Variants in SEMA3G observed in about 807,000 individuals in gnomAD.
The protein encoded by SEMA3G is semaphorin 3G, also known as semaphorin-3G.
In SEMA3G, 70 loss-of-function variants were observed where a neutral mutation model predicts 86.2. The observed-to-expected ratio is 0.81, with a 90% CI of 0.67 to 0.99. The LOEUF is 0.99. Among genes scored for constraint, SEMA3G ranks in the 50% least tolerant of loss-of-function variants. The pLI, the probability that SEMA3G is intolerant of heterozygous loss-of-function variation, is 0.00. For synonymous variants in SEMA3G, 416 were observed against 441.4 expected (o/e 0.94, Z 0.72); for missense variants, 1,002 against 1,072.4 (o/e 0.93, Z 0.92).
chr3:52,444,144 T>C (rs1706213488), intron 1 of SEMA3G, among the ~76,000 whole-genome samples: 1 of 152,168 alleles, frequency 6.6e-6, no homozygotes, highest in East Asian at 1.9e-4. Flanking sequence ...GCATGCTGCC[T>C]GCTCTCCCGT....
Position 52,438,961 on chromosome 3 carries a change from C to G in SEMA3G, c.1468G>C (p.Val490Leu). 6.2e-7 allele frequency: 1 copy of G among 1,613,306 alleles called. No homozygotes were observed. The highest frequency in any genetic ancestry group is 8.5e-7 in the Non-Finnish European group (1 of 1,179,596). Residue 490 changes from valine to leucine, a missense_variant and splice_region_variant, in exon 13 of 16, where the codon GTG (valine) becomes CTG (leucine). Val to Leu is a conservative substitution (Grantham distance 32). Coordinates refer to ENST00000231721, the MANE Select transcript of SEMA3G (RefSeq NM_020163.3). ...TCCATTTCGGTGATAGGTGTTGGCA[C>G]CTGGGGAAGGAGAAGGGTCTCAGTG... ...VVLEELQVFK[V>L]PTPITEMEIS... is the part of the protein sequence containing the mutation.
intron 13 of SEMA3G, 35 bp from the exon 14 acceptor site, chr3:52,438,234 C>A (rs145770691): frequency 6.4e-7 from 1 of 1,565,288 alleles, no homozygotes; most frequent in African/African-American, 1.4e-5. Context: ...TGAGGTGAGC[C>A]CAGGCTTCGC....
In SEMA3G at chr3:52,442,554, C is replaced by T. The variant is rs1460240024; in HGVS notation, c.339+5G>A. The T allele has an allele frequency of 6.2e-7, 1 of 1,614,078 alleles. No individual in the cohort carries two copies. On this transcript the variant is annotated splice_donor_5th_base_variant and intron_variant, in intron 3 of 15. Coordinates refer to ENST00000231721, the MANE Select transcript of SEMA3G (RefSeq NM_020163.3). This position sits in a 1 kb window ranked among gnomAD's most constrained non-coding sequence, Gnocchi z 6.1. ...CGGGGGACCATCCCTCCCGACAGCACTCACCAAAGGATCTCTTCCCTTTCG... is the reference window on the plus strand; with the variant it reads ...CGGGGGACCATCCCTCCCGACAGCATTCACCAAAGGATCTCTTCCCTTTCG...
In SEMA3G at chr3:52,441,815, C is replaced by T. The variant is rs1243012106; in HGVS notation, c.550+4G>A. 1.9e-6 allele frequency: 3 copies of T among 1,607,422 alleles called. No homozygotes were observed. Among genetic ancestry groups the T allele is most frequent in the Non-Finnish European group, 2.5e-6 (3 of 1,176,812 alleles). ...GTTCTCACCCTGGCCTGGGCATCAC[C>T]CACCTATGAAGGTGCTGGCAAAGGG... On this transcript the variant is annotated splice_donor_region_variant and intron_variant, in intron 5 of 15. Coordinates refer to ENST00000231721, the MANE Select transcript of SEMA3G (RefSeq NM_020163.3).
chr3:52,435,934 A>T lies in SEMA3G; in HGVS notation c.2018T>A (p.Val673Glu). 1.9e-6 allele frequency: 3 copies of T among 1,613,902 alleles called. No homozygotes were observed. The highest frequency in any genetic ancestry group is 2.5e-6 in the Non-Finnish European group (3 of 1,180,016). Residue 673 changes from valine to glutamate, a missense_variant, in exon 16 of 16, where the codon GTG (valine) becomes GAG (glutamate). Coordinates refer to ENST00000231721, the MANE Select transcript of SEMA3G (RefSeq NM_020163.3). ...GTTGTCCAGCTGTGAGGCCACAATC[A>T]CCACCAGAGCCAGGCGGACCACAGT... The part of the protein sequence containing the change: ...SQTVVRLALV[V>E]IVASQLDNLF...
At chr3:52,444,446 G>C (rs1422356691) in intron 1 of SEMA3G, among the ~76,000 whole-genome samples, 1 of 151,708 alleles carries the variant, frequency 6.6e-6, no homozygotes, top group Non-Finnish European at 1.5e-5. Context: ...ACCCAAACAG[G>C]GCACACGCAC....
At position 52,437,615 on chromosome 3, in the gene SEMA3G, T is replaced by C. The variant is rs1413033715; in HGVS notation, c.1790A>G (p.Asn597Ser). The change falls in exon 15 of 16, where the codon AAT becomes AGT. Residue 597 changes from asparagine to serine, a missense_variant. Asn to Ser is a conservative substitution (Grantham distance 46). Coordinates refer to ENST00000231721, the MANE Select transcript of SEMA3G (RefSeq NM_020163.3). ...AATMVYGTEH[N>S]STFLECLPKS... is the part of the protein sequence containing the mutation. ...GGGCAGGCACTCCAGGAAGGTGCTA[T>C]TGTGCTCCGTGCCGTAGACCATGGT... is the stretch of plus-strand genomic sequence containing the variant. 5 of 1,612,982 alleles carry C rather than the reference T, an allele frequency of 3.1e-6. No homozygotes were observed. Among genetic ancestry groups the C allele is most frequent in the South Asian group, 1.1e-5 (1 of 91,088 alleles).
In SEMA3G at chr3:52,433,225, T is replaced by C. The variant is rs1705985182; in HGVS notation, c.*2378A>G. On this transcript the variant is annotated 3_prime_UTR_variant, in exon 16 of 16. Transcript: ENST00000231721. ...TGGGAAATCATGAAACAGAAGTCAC[T>C]CAGGGTGACCTTCTTTCTCATGGAA... 6.6e-6 allele frequency: 1 copy of C among 152,226 alleles called. No homozygotes were observed. The highest frequency in any genetic ancestry group is 1.9e-4 in the East Asian group (1 of 5,192). 9.4% of individuals were successfully genotyped at this position (152,226 alleles called of 1,614,324 possible). A position where few individuals can be genotyped will look rare whatever the true frequency, so the allele number is the denominator to read the frequency against.
At position 52,433,099 on chromosome 3, in the gene SEMA3G, GC is replaced by G. The variant is rs1342228113; in HGVS notation, c.*2503del. Reference sequence around the variant, plus strand: ...ATGAGCAATCTCGGCTTTGTACAAAGCCCTCTAACTCCTTCCTTCCCCTGAT... The same window carrying G: ...ATGAGCAATCTCGGCTTTGTACAAAGCCTCTAACTCCTTCCTTCCCCTGAT... On this transcript the variant is annotated 3_prime_UTR_variant, in exon 16 of 16. Coordinates refer to ENST00000231721, the MANE Select transcript of SEMA3G (RefSeq NM_020163.3). 3 of 151,934 alleles carry G rather than the reference GC, an allele frequency of 2.0e-5. No individual in the cohort carries two copies. The highest frequency in any genetic ancestry group is 7.3e-5 in the African/African-American group (3 of 41,352). 9.4% of individuals were successfully genotyped at this position (151,934 alleles called of 1,614,324 possible).
chr3:52,444,076 G>T (rs568761166), intron 1 of SEMA3G, among the ~76,000 whole-genome samples: 1 of 152,166 alleles, frequency 6.6e-6, no homozygotes, highest in East Asian at 1.9e-4. Flanking sequence ...AGCCCACTCT[G>T]GGAAGTGGGC....
Position 52,443,016 on chromosome 3 carries a change from A to G in SEMA3G, c.116-109T>C, listed in dbSNP as rs1345344001. 6 of 1,543,204 alleles carry G rather than the reference A, an allele frequency of 3.9e-6. No individual in the cohort carries two copies. The African/African-American group carries it at 6.8e-5, about 18-fold the overall frequency. On this transcript the variant is annotated intron_variant, in intron 1 of 15. Transcript: ENST00000231721. The stretch of plus-strand genomic sequence containing the variant: ...GAGCATCCACCCCTGACACACTCAC[A>G]TCTGGAAAATGTTTCCATCCACATG...
rs915733168 is a variant in SEMA3G at position 52,442,487 on chromosome 3, G to A, written c.339+72C>T. Reference sequence around the variant, plus strand: ...TGCCCCTGGTAGAGGTACCTGGGGCGTGGTCACGGATTGTCCTGGGGGTCA... The same window carrying A: ...TGCCCCTGGTAGAGGTACCTGGGGCATGGTCACGGATTGTCCTGGGGGTCA... On this transcript the variant is annotated intron_variant, in intron 3 of 15. Coordinates refer to ENST00000231721, the MANE Select transcript of SEMA3G (RefSeq NM_020163.3). This position sits in a 1 kb window ranked among gnomAD's most constrained non-coding sequence, Gnocchi z 6.1. The A allele has an allele frequency of 1.9e-4, 295 of 1,552,762 alleles. 1 individual carries two copies. The highest frequency in any genetic ancestry group is 2.6e-4 in the Non-Finnish European group (287 of 1,125,442).
rs2153229506 is a variant in SEMA3G at position 52,435,078 on chromosome 3, T to G, written c.*525A>C. ...CGCGACAGGAGGGGAGGTGCATTGT[T>G]GCTCCACCTTCCCAACACCTCTGTG... is the stretch of plus-strand genomic sequence containing the variant. On this transcript the variant is annotated 3_prime_UTR_variant, in exon 16 of 16. Coordinates refer to ENST00000231721, the MANE Select transcript of SEMA3G (RefSeq NM_020163.3). The G allele has an allele frequency of 6.4e-6, 1 of 155,404 alleles. No individual in the cohort carries two copies. Among genetic ancestry groups the G allele is most frequent in the African/African-American group, 2.4e-5 (1 of 41,524 alleles). The allele number at this position is 155,404 out of a possible 1,614,324, so 9.6% of individuals were successfully genotyped here.
Position 52,444,969 on chromosome 3 carries a change from C to T in SEMA3G, c.59G>A (p.Gly20Asp). The change falls in exon 1 of 16, where the codon GGT becomes GAT. Residue 20 changes from glycine to aspartate, a missense_variant. Physicochemically the swap from Gly to Asp is moderately conservative, Grantham distance 94. Transcript: ENST00000231721. ...WLLGGLLLHG[G>D]SSGPSPGPSV... ...GGGGCCGGGGCTGGGGCCAGAGCTA[C>T]CCCCATGGAGCAGGAGGCCCCCTAG... is the stretch of plus-strand genomic sequence containing the variant. 2 of 1,299,298 alleles carry T rather than the reference C, an allele frequency of 1.5e-6. No homozygotes were observed. The highest frequency in any genetic ancestry group is 2.0e-6 in the Non-Finnish European group (2 of 1,018,548). 80.5% of individuals were successfully genotyped at this position (1,299,298 alleles called of 1,614,324 possible). A position where few individuals can be genotyped will look rare whatever the true frequency, so the allele number is the denominator to read the frequency against.
At chr3:52,441,736 C>T (rs1185610601) in intron 5 of SEMA3G, 46 bp from the exon 6 acceptor site, 1 of 1,596,644 alleles carries the variant, frequency 6.3e-7, no homozygotes, top group Non-Finnish European at 8.6e-7. Context: ...AGGCCCAGGC[C>T]CAGCAGCCGG....
chr3:52,440,877 A>G (rs1276630048), intron 8 of SEMA3G, 54 bp from the exon 9 acceptor site: 3 of 1,599,502 alleles, frequency 1.9e-6, no homozygotes, highest in Non-Finnish European at 1.7e-6. Context: ...GCCCTGACTC[A>G]CCAGCTCTCA....
chr3:52,443,253 GC>G (rs1706195507), intron 1 of SEMA3G, among the ~76,000 whole-genome samples: 1 of 152,186 alleles, frequency 6.6e-6, no homozygotes, highest in Non-Finnish European at 1.5e-5. Context: ...AGAGCAAAGT[GC>G]TGGAAGATCC....
chr3:52,434,466 G>A lies in SEMA3G; in HGVS notation c.*1137C>T, dbSNP rs1706006067. The stretch of plus-strand genomic sequence containing the variant: ...AGAGATTCCAGAGATGGAAACACTG[G>A]GTCTTCCAGGTGGCTTCTGAGCTAA... On this transcript the variant is annotated 3_prime_UTR_variant, in exon 16 of 16. Coordinates refer to ENST00000231721, the MANE Select transcript of SEMA3G (RefSeq NM_020163.3). The surrounding 1 kb of genome is among the most constrained non-coding windows in gnomAD (Gnocchi z 5.2). The A allele has an allele frequency of 6.6e-6, 1 of 152,056 alleles. No homozygotes were observed. The highest frequency in any genetic ancestry group is 1.5e-5 in the Non-Finnish European group (1 of 68,012). 9.4% of individuals were successfully genotyped at this position (152,056 alleles called of 1,614,324 possible).
chr3:52,436,532 G>A (rs1193941924), intron 15 of SEMA3G, among the ~76,000 whole-genome samples: 8 of 152,194 alleles, frequency 5.3e-5, no homozygotes, highest in African/African-American at 1.4e-4. Flanking sequence ...GTGTGCCCAC[G>A]CACACATGCA....
Sources: allele counts gnomAD v4.1 joint callset (sites outside exome capture counted in the v4.1 genomes callset), GRCh38; gene constraint gnomAD v4.1.1; non-coding constraint Gnocchi (gnomAD v3.1); transcripts MANE v1.5; gene names NCBI Gene and HGNC (gene_info 2026-07-23, HGNC 2026-07-21).